MARCHF1: variants seen among roughly 807,000 people sequenced by gnomAD.
MARCHF1 encodes the protein E3 ubiquitin-protein ligase MARCHF1.
MARCHF1 carries 40 observed loss-of-function variants against 54.2 expected under a neutral mutation model. That is an observed-to-expected ratio of 0.74 (90% CI 0.57 to 0.96). The LOEUF is 0.96. Ranked by LOEUF, MARCHF1 falls within the 40% of genes least tolerant of loss-of-function variation. The pLI, the probability that MARCHF1 is intolerant of heterozygous loss-of-function variation, is 0.00. For synonymous variants in MARCHF1, 236 were observed against 236.3 expected (o/e 1.00, Z 0.01); for missense variants, 586 against 656.5 (o/e 0.89, Z 1.17).
chr4:163,981,154 T>A (rs1263476073), intron 3 of MARCHF1, among the ~76,000 whole-genome samples: 1 of 152,214 alleles, frequency 6.6e-6, no homozygotes, highest in Non-Finnish European at 1.5e-5. Context: ...AATTGTTTTT[T>A]TTTTTTCCTA....
intron 4 of MARCHF1, among the ~76,000 whole-genome samples, chr4:163,776,536 A>C (rs1198854275): frequency 6.6e-6 from 1 of 152,088 alleles, no homozygotes; most frequent in African/African-American, 2.4e-5. Flanking sequence ...TTTCATTCAA[A>C]TATGTAGTGC....
chr4:164,355,773 G>A (rs200826046), intron 1 of MARCHF1, among the ~76,000 whole-genome samples: 6,081 of 86,588 alleles, frequency 0.07, 903 homozygotes, highest in East Asian at 0.23. Flanking sequence ...ATGGGATCTA[G>A]TTAAACTAAA....
chr4:163,825,332 C>T (rs1289600342), intron 4 of MARCHF1, among the ~76,000 whole-genome samples: 3 of 152,016 alleles, frequency 2.0e-5, no homozygotes, highest in African/African-American at 7.2e-5. Context: ...TTTTCTTTAA[C>T]CAGTCTAACA....
chr4:164,330,542 T>C (rs530508151), intron 1 of MARCHF1, among the ~76,000 whole-genome samples: 2 of 152,328 alleles, frequency 1.3e-5, no homozygotes, highest in East Asian at 3.9e-4. Context: ...GATTATTAAG[T>C]GTGTCATTTG....
At chr4:163,729,192 T>A (rs1745755912) in intron 4 of MARCHF1, among the ~76,000 whole-genome samples, 1 of 152,128 alleles carries the variant, frequency 6.6e-6, no homozygotes. Context: ...TGAAGATTCC[T>A]CCATCTATGT....
intron 1 of MARCHF1, among the ~76,000 whole-genome samples, chr4:164,162,067 C>T (rs1307663418): frequency 6.6e-6 from 1 of 152,092 alleles, no homozygotes. Context: ...CAGCTATCTG[C>T]AGATCAGACA....
At chr4:164,160,939 T>C (rs555722828) in intron 1 of MARCHF1, among the ~76,000 whole-genome samples, 18 of 152,194 alleles carry the variant, frequency 1.2e-4, no homozygotes, top group Middle Eastern at 6.8e-3. Context: ...ACATACCTAA[T>C]ACAAAAAAAA....
intron 1 of MARCHF1, among the ~76,000 whole-genome samples, chr4:164,328,987 T>C (rs1735356793): frequency 6.6e-6 from 1 of 152,220 alleles, no homozygotes; most frequent in Non-Finnish European, 1.5e-5. Context: ...ACCACTAATA[T>C]ATTCCAAATA....
At chr4:164,322,297 T>C (rs1735162403) in intron 1 of MARCHF1, among the ~76,000 whole-genome samples, 1 of 152,056 alleles carries the variant, frequency 6.6e-6, no homozygotes, top group African/African-American at 2.4e-5. Flanking sequence ...TACAGGCTAT[T>C]TAAGAAACTC....
chr4:163,776,321 T>C (rs1747303316), intron 4 of MARCHF1, among the ~76,000 whole-genome samples: 1 of 151,690 alleles, frequency 6.6e-6, no homozygotes, highest in Non-Finnish European at 1.5e-5. Context: ...TATCTGTCTC[T>C]CTCTTTCTGT....
In MARCHF1 at chr4:163,918,093, C is replaced by T. The variant is rs543190670; in HGVS notation, c.-38-63924G>A. Among the ~76,000 whole-genome samples, 3 of 152,088 alleles carry T rather than the reference C, an allele frequency of 2.0e-5. No individual in the cohort carries two copies. The South Asian group carries it at 6.2e-4, about 32-fold the overall frequency. ...GTATAAGATGTAAGGAAGGGGTCCA[C>T]TTTCAATTTTCTGTATATGGCTAGC... On this transcript the variant is annotated intron_variant, in intron 3 of 9. Coordinates refer to ENST00000514618, the MANE Select transcript of MARCHF1 (RefSeq NM_001394959.1).
chr4:164,047,653 C>A (rs1754270416), intron 2 of MARCHF1, among the ~76,000 whole-genome samples: 1 of 152,134 alleles, frequency 6.6e-6, no homozygotes, highest in African/African-American at 2.4e-5. Flanking sequence ...CGTTCTTTCA[C>A]CACTATAAGT....
chr4:164,243,849 AAG>A (rs1732853924), intron 1 of MARCHF1, among the ~76,000 whole-genome samples: 1 of 151,594 alleles, frequency 6.6e-6, no homozygotes, highest in African/African-American at 2.4e-5. Flanking sequence ...CAAAGATCAA[AAG>A]AGACAAAGAA....
At chr4:164,253,815 C>T (rs908049525) in intron 1 of MARCHF1, among the ~76,000 whole-genome samples, 2 of 152,010 alleles carry the variant, frequency 1.3e-5, no homozygotes, top group Non-Finnish European at 2.9e-5. Flanking sequence ...GAAAATCTGA[C>T]ACATCCATAT....
At chr4:164,113,885 C>A (rs1755886369) in intron 1 of MARCHF1, among the ~76,000 whole-genome samples, 1 of 140,332 alleles carries the variant, frequency 7.1e-6, no homozygotes, top group Non-Finnish European at 1.6e-5. Context: ...GTGACCCACT[C>A]ATTTTAAACA....
At chr4:164,281,302 G>C (rs1258838857) in intron 1 of MARCHF1, among the ~76,000 whole-genome samples, 1 of 152,096 alleles carries the variant, frequency 6.6e-6, no homozygotes, top group Non-Finnish European at 1.5e-5. Context: ...TCTAGGGTTG[G>C]ATATACAAAT....
intron 4 of MARCHF1, among the ~76,000 whole-genome samples, chr4:163,782,579 A>G (rs1747496434): frequency 6.7e-6 from 1 of 150,302 alleles, no homozygotes; most frequent in Non-Finnish European, 1.5e-5. Context: ...CTGAGGAAGG[A>G]GAATCACTTG....
chr4:163,779,623 A>G (rs796711052), intron 4 of MARCHF1, among the ~76,000 whole-genome samples: 15 of 152,276 alleles, frequency 9.9e-5, no homozygotes, highest in African/African-American at 3.6e-4. Context: ...ACCATAACCA[A>G]CAGTCCAGAA....
chr4:164,016,866 C>A (rs573988710), intron 2 of MARCHF1, among the ~76,000 whole-genome samples: 7 of 152,038 alleles, frequency 4.6e-5, no homozygotes, highest in African/African-American at 1.7e-4. Context: ...CCCATTTACC[C>A]TAATTTGATC....
Sources: allele counts gnomAD v4.1 joint callset (sites outside exome capture counted in the v4.1 genomes callset), GRCh38; gene constraint gnomAD v4.1.1; transcripts MANE v1.5; gene names NCBI Gene and HGNC (gene_info 2026-07-23, HGNC 2026-07-21).